SDK2: variants seen among roughly 807,000 people sequenced by gnomAD.
SDK2 encodes the protein sidekick cell adhesion molecule 2.
In SDK2, 105 loss-of-function variants were observed where a neutral mutation model predicts 253.9. The ratio of observed to expected loss-of-function variants is 0.41; its 90% CI spans 0.35 to 0.49. SDK2 has a LOEUF of 0.49. Ranked by LOEUF, SDK2 falls within the 20% of genes least tolerant of loss-of-function variation. The pLI is 0.06. For synonymous variants in SDK2, 1,249 were observed against 1,234.9 expected (o/e 1.01, Z -0.24); for missense variants, 2,608 against 3,003.0 (o/e 0.87, Z 3.07).
chr17:73,578,481 A>G (rs933474341), intron 1 of SDK2, among the ~76,000 whole-genome samples: 3 of 152,186 alleles, frequency 2.0e-5, no homozygotes, highest in Admixed American at 2.0e-4. Context: ...TTGTTACAGC[A>G]TCCCAGAAGC....
intron 40 of SDK2, chr17:73,357,533 C>T (rs997104184): frequency 4.9e-5 from 11 of 223,846 alleles, no homozygotes; most frequent in Non-Finnish European, 8.8e-5. Flanking sequence ...GCCCAGCAAG[C>T]GGGTGTCAGG....
chr17:73,507,242 C>T (rs937810748), intron 2 of SDK2, among the ~76,000 whole-genome samples, 196 bp downstream of exon 2: 21 of 152,358 alleles, frequency 1.4e-4, no homozygotes, highest in Admixed American at 4.6e-4. Flanking sequence ...ACAACCCAGC[C>T]ATCCTCTGCA....
At chr17:73,365,731 G>A (rs547284965) in intron 37 of SDK2, among the ~76,000 whole-genome samples, 2 of 152,146 alleles carry the variant, frequency 1.3e-5, no homozygotes, top group African/African-American at 4.8e-5. Context: ...GGTCATCGTG[G>A]GGCAAGGCCA....
chr17:73,593,062 G>C (rs1016350893), intron 1 of SDK2, among the ~76,000 whole-genome samples: 1 of 151,598 alleles, frequency 6.6e-6, no homozygotes, highest in Non-Finnish European at 1.5e-5. Flanking sequence ...AGGGTTGGGT[G>C]GGGGGGATTG....
rs2063966987 is a variant in SDK2, at chr17:73,509,920, AAAG to A, written c.65-2326_65-2324del. Among the ~76,000 whole-genome samples, 2 of 146,558 alleles carry A rather than the reference AAAG, an allele frequency of 1.4e-5. 1 individual carries two copies. The highest frequency in any genetic ancestry group is 3.0e-5 in the Non-Finnish European group (2 of 66,876). On this transcript the variant is annotated intron_variant, in intron 1 of 44. Coordinates refer to ENST00000392650, the MANE Select transcript of SDK2 (RefSeq NM_001144952.2). ...ATCTCTACAAAAAAAAAAAAAAAAA[AAAG>A]AAGGAAAGAAAGAAAAAGTAAAAGA...
At chr17:73,348,142 A>G (rs9899910) in intron 44 of SDK2, among the ~76,000 whole-genome samples, 136,356 of 152,254 alleles carry the variant, frequency 0.9, 62,806 homozygotes, top group Non-Finnish European at 1. Flanking sequence ...TCTCATCCTC[A>G]GGGCTCCAGG....
chr17:73,563,383 G>T (rs1022378600), intron 1 of SDK2, among the ~76,000 whole-genome samples: 1 of 152,152 alleles, frequency 6.6e-6, no homozygotes, highest in Admixed American at 6.5e-5. Context: ...AGGCCAGCCT[G>T]GGCAACACAG....
rs9905042 is a variant in SDK2, at chr17:73,516,339, G to A, written c.65-8742C>T. On this transcript the variant is annotated intron_variant, in intron 1 of 44. Coordinates refer to ENST00000392650, the MANE Select transcript of SDK2 (RefSeq NM_001144952.2). ...GGAGGAGGCTGCTGTGGCCCTGTTC[G>A]GCCCCTGCCCTTCAGAAGAAATGTC... 3.4e-3 allele frequency among the ~76,000 whole-genome samples: 518 copies of A among 152,320 alleles called. 3 individuals are homozygous for A. The highest frequency in any genetic ancestry group is 9.8e-3 in the East Asian group (51 of 5,184).
chr17:73,568,784 C>T (rs2045342326), intron 1 of SDK2, among the ~76,000 whole-genome samples: 1 of 124,646 alleles, frequency 8.0e-6, no homozygotes. Context: ...AGGATAAATA[C>T]AAGGAGAAGA....
At chr17:73,392,315 G>C (rs1274035233) in intron 27 of SDK2, among the ~76,000 whole-genome samples, 1 of 151,822 alleles carries the variant, frequency 6.6e-6, no homozygotes, top group African/African-American at 2.4e-5. Context: ...TGTTGCCCAG[G>C]CTGGAGTGCA....
rs17185043 is a variant in SDK2, at chr17:73,496,589, C to T, written c.224+10849G>A. Among the ~76,000 whole-genome samples the T allele has an allele frequency of 0.089, 13,462 of 152,076 alleles. 662 individuals are homozygous for T. The highest frequency in any genetic ancestry group is 0.14 in the Middle Eastern group (40 of 294). On this transcript the variant is annotated intron_variant, in intron 2 of 44. Transcript: ENST00000392650. This position sits in a 1 kb window ranked among gnomAD's most constrained non-coding sequence, Gnocchi z 4.7. ...GGTGATACAGGGTCTTGTACTCCCT[C>T]GACCAAAATCCTTTCGAGACTGTCC...
intron 28 of SDK2, among the ~76,000 whole-genome samples, chr17:73,391,174 C>T (rs759887899): frequency 6.6e-6 from 1 of 152,220 alleles, no homozygotes; most frequent in Non-Finnish European, 1.5e-5. Context: ...ACCAGATGGC[C>T]GGCAGGCTGG....
chr17:73,571,933 G>A (rs74902242), intron 1 of SDK2, among the ~76,000 whole-genome samples: 3,651 of 152,242 alleles, frequency 0.024, 156 homozygotes, highest in African/African-American at 0.083. Context: ...CACGGCCCAC[G>A]GGGAAGGAGG....
chr17:73,372,975 G>A (rs1398794336), intron 36 of SDK2, among the ~76,000 whole-genome samples: 1 of 152,114 alleles, frequency 6.6e-6, no homozygotes, highest in African/African-American at 2.4e-5. Flanking sequence ...GATCTAGATC[G>A]TATTCAGCCT....
In SDK2 at chr17:73,639,713, G is replaced by T. The variant is rs62063640; in HGVS notation, c.64+4312C>A. 6.6e-6 allele frequency among the ~76,000 whole-genome samples: 1 copy of T among 152,094 alleles called. No homozygotes were observed. Among genetic ancestry groups the T allele is most frequent in the African/African-American group, 2.4e-5 (1 of 41,424 alleles). ...TGCCTCCCAGAGGGGCTGGGAGTCCGTAGGGACAGGGAGAGGGTTCCAGCC... is the reference window on the plus strand; with the variant it reads ...TGCCTCCCAGAGGGGCTGGGAGTCCTTAGGGACAGGGAGAGGGTTCCAGCC... On this transcript the variant is annotated intron_variant, in intron 1 of 44. Transcript: ENST00000392650. This position sits in a 1 kb window ranked among gnomAD's most constrained non-coding sequence, Gnocchi z 4.3.
chr17:73,463,128 AG>A (rs2063575012), intron 3 of SDK2, among the ~76,000 whole-genome samples: 1 of 152,150 alleles, frequency 6.6e-6, no homozygotes, highest in Non-Finnish European at 1.5e-5. Flanking sequence ...ACTCACACTA[AG>A]GCAAAAACAG....
chr17:73,523,373 A>G (rs1462476471), intron 1 of SDK2, among the ~76,000 whole-genome samples: 3 of 151,936 alleles, frequency 2.0e-5, no homozygotes, highest in Non-Finnish European at 4.4e-5. Context: ...GCTGAATTGC[A>G]CTGAAGTCCT....
At chr17:73,636,525 T>C (rs574291684) in intron 1 of SDK2, among the ~76,000 whole-genome samples, 1 of 151,170 alleles carries the variant, frequency 6.6e-6, no homozygotes, top group Non-Finnish European at 1.5e-5. Context: ...CTGTGCCTAC[T>C]AAAAAATTGG....
At chr17:73,573,846 T>C (rs2045420703) in intron 1 of SDK2, among the ~76,000 whole-genome samples, 1 of 152,226 alleles carries the variant, frequency 6.6e-6, no homozygotes, top group South Asian at 2.1e-4. Flanking sequence ...GATGGGCCCC[T>C]GGCTCTCCTG....
Sources: allele counts gnomAD v4.1 joint callset (sites outside exome capture counted in the v4.1 genomes callset), GRCh38; gene constraint gnomAD v4.1.1; non-coding constraint Gnocchi (gnomAD v3.1); transcripts MANE v1.5; gene names NCBI Gene and HGNC (gene_info 2026-07-23, HGNC 2026-07-21).